Variants in PKD1L1 observed in about 807,000 individuals in gnomAD.
PKD1L1 encodes polycystin 1 like 1, transient receptor potential channel interacting.
Under a neutral mutation model 323.4 loss-of-function variants are expected in PKD1L1, and 236 were observed. The observed-to-expected ratio is 0.73, with a 90% confidence interval of 0.66 to 0.81. The LOEUF (loss-of-function observed/expected upper bound fraction) is 0.81. Ranked by LOEUF, PKD1L1 falls within the 40% of genes least tolerant of loss-of-function variation. The pLI is 0.00. For missense variants in PKD1L1, 3,320 were observed against 3,508.0 expected (o/e 0.95, Z 1.35); for synonymous variants, 1,344 against 1,335.0 (o/e 1.01, Z -0.15).
chr7:47,814,539 G>A lies in PKD1L1; in HGVS notation c.7090-525C>T, dbSNP rs140449097. ...GGATTACAGGCATGTGCCACCACGC[G>A]CGGCTAATTTTTGTATTTTTAGTCT... On this transcript the variant is annotated intron_variant, in intron 47 of 56. Coordinates refer to ENST00000289672, the MANE Select transcript of PKD1L1 (RefSeq NM_138295.5). Among the ~76,000 whole-genome samples the A allele has an allele frequency of 3.9e-3, 588 of 152,044 alleles. 6 individuals are homozygous for A. Among genetic ancestry groups the A allele is most frequent in the Middle Eastern group, 0.017 (5 of 294 alleles).
Position 47,785,811 on chromosome 7 carries a change from G to A in PKD1L1, c.8526+6816C>T, listed in dbSNP as rs569632450. ...GGCTGGAGTGCAGTGGTGCAATCTC[G>A]GCTCACTGCAACCTCTGCCTCCCGG... On this transcript the variant is annotated intron_variant, in intron 56 of 56. Coordinates refer to ENST00000289672, the MANE Select transcript of PKD1L1 (RefSeq NM_138295.5). Among the ~76,000 whole-genome samples the A allele has an allele frequency of 6.0e-5, 9 of 150,288 alleles. No individual in the cohort carries two copies. In the East Asian group the frequency reaches 9.9e-4, roughly 17 times the overall value.
chr7:47,893,767 T>A, intron 15 of PKD1L1, 111 bp downstream of exon 15: 1 of 1,147,474 alleles, frequency 8.7e-7, no homozygotes, highest in Non-Finnish European at 1.2e-6. Flanking sequence ...TTAACGAAAG[T>A]TGATGTGCTT....
intron 9 of PKD1L1, 77 bp from the exon 10 acceptor site, chr7:47,906,039 A>G (rs118005929): frequency 3.0e-6 from 4 of 1,329,812 alleles, no homozygotes; most frequent in East Asian, 5.5e-5. Flanking sequence ...CACAGTCAGT[A>G]TTTTTCATTT....
chr7:47,775,504 T>A (rs1786547160), intron 56 of PKD1L1, among the ~76,000 whole-genome samples: 1 of 152,052 alleles, frequency 6.6e-6, no homozygotes, highest in African/African-American at 2.4e-5. Flanking sequence ...TCAAAATACA[T>A]ACAAACTAAA....
chr7:47,866,637 C>T (rs1381922954), intron 24 of PKD1L1, 23 bp from the exon 25 acceptor site: 3 of 1,566,674 alleles, frequency 1.9e-6, no homozygotes, highest in South Asian at 1.2e-5. Context: ...CAAGAGTTAT[C>T]ATTACTGTTC....
chr7:47,827,739 G>A (rs1785266362), intron 44 of PKD1L1, among the ~76,000 whole-genome samples: 2 of 152,274 alleles, frequency 1.3e-5, no homozygotes, highest in Middle Eastern at 3.4e-3. Flanking sequence ...AAGAGCTGCT[G>A]TACACGAGGG....
At position 47,880,748 on chromosome 7, in the gene PKD1L1, T is replaced by C. The variant is rs1243282087; in HGVS notation, c.3500A>G (p.Tyr1167Cys). The change falls in exon 21 of 57, where the codon TAC becomes TGC. Residue 1167 changes from tyrosine (Y) to cysteine (C), a missense_variant. Coordinates refer to ENST00000289672, the MANE Select transcript of PKD1L1 (RefSeq NM_138295.5). ...CATACCCACAGACACTTGCAGGACG[T>C]ACGTCTCTCCACTGCTCAGAGAGTA... ...KPYSLSSGET[Y>C]VLQVSVASKH... 2.5e-6 allele frequency: 4 copies of C among 1,608,432 alleles called. No homozygotes were observed. The highest frequency in any genetic ancestry group is 3.4e-6 in the Non-Finnish European group (4 of 1,176,562).
chr7:47,908,012 G>T, intron 9 of PKD1L1, 65 bp downstream of exon 9: 1 of 1,502,440 alleles, frequency 6.7e-7, no homozygotes. Context: ...TATAAGTAAA[G>T]CGGAGATACC....
intron 26 of PKD1L1, among the ~76,000 whole-genome samples, chr7:47,863,543 T>C (rs17710983): frequency 0.22 from 34,060 of 151,726 alleles, 4,374 homozygotes; most frequent in African/African-American, 0.35. Context: ...AACCAAGAAA[T>C]CATGTCGTGA....
In PKD1L1 at chr7:47,813,946, A is replaced by G. The variant is rs144104737; in HGVS notation, c.7158T>C (p.Pro2386=). The G allele has an allele frequency of 1.9e-6, 3 of 1,613,974 alleles. No individual in the cohort carries two copies. Among genetic ancestry groups the G allele is most frequent in the Non-Finnish European group, 2.5e-6 (3 of 1,179,856 alleles). The change falls in exon 48 of 57, where the codon CCT becomes CCC. Residue 2386 remains proline (P), a synonymous_variant. Transcript: ENST00000289672. ...AACATCTTACCTTGCATAAATGCCT[A>G]GGAAAAACTTTTAGCTGCCTAATTA... ...SSVIRQLKVF[P]RHLCKPPRPF...
intron 23 of PKD1L1, among the ~76,000 whole-genome samples, chr7:47,874,846 T>C (rs569752969): frequency 6.6e-6 from 1 of 152,222 alleles, no homozygotes; most frequent in South Asian, 2.1e-4. Context: ...GTATTTATTT[T>C]GCTTATGTTC....
chr7:47,949,368 C>CAAAAAGAAA (rs1788167840), upstream of PKD1L1, among the ~76,000 whole-genome samples: 1 of 57,134 alleles, frequency 1.8e-5, no homozygotes, highest in African/African-American at 6.7e-5. Flanking sequence ...GGCTCTGTCT[C>CAAAAAGAAA]AAAAAAAAAA....
intron 48 of PKD1L1, among the ~76,000 whole-genome samples, 175 bp downstream of exon 48, chr7:47,813,756 A>C (rs913064736): frequency 1.3e-5 from 2 of 152,248 alleles, no homozygotes; most frequent in African/African-American, 4.8e-5. Flanking sequence ...GTGTTCATAA[A>C]GGGGAAGGAA....
intron 56 of PKD1L1, among the ~76,000 whole-genome samples, chr7:47,780,215 A>T (rs1786660372): frequency 6.6e-6 from 1 of 152,084 alleles, no homozygotes; most frequent in African/African-American, 2.4e-5. Flanking sequence ...CATCACCAAG[A>T]TCCCTTCTGC....
intron 13 of PKD1L1, among the ~76,000 whole-genome samples, chr7:47,900,600 C>T (rs975756305): frequency 3.3e-5 from 5 of 151,968 alleles, no homozygotes; most frequent in African/African-American, 4.8e-5. Flanking sequence ...TGGTGGTGAG[C>T]GCCTGTAATC....
chr7:47,821,114 T>G lies in PKD1L1; in HGVS notation c.6927A>C (p.Glu2309Asp), dbSNP rs1785131218. ...TCCGGATAGCTTGATTGAGGGAGTA[T>G]TCATCTTGGGAAAATCTCCCATATA... ...CVIYGRFSQDEYSLNQAIRKE... is the reference protein window; with the variant it reads ...CVIYGRFSQDDYSLNQAIRKE... Residue 2309 changes from glutamate (E) to aspartate (D), a missense_variant, in exon 46 of 57, where the codon GAA becomes GAC. By Grantham distance (45) the Glu-to-Asp change is conservative. Transcript: ENST00000289672. 6.2e-7 allele frequency: 1 copy of G among 1,607,700 alleles called. No homozygotes were observed. Among genetic ancestry groups the G allele is most frequent in the Non-Finnish European group, 8.5e-7 (1 of 1,174,186 alleles).
intron 24 of PKD1L1, among the ~76,000 whole-genome samples, chr7:47,871,026 A>G (rs1313178324): frequency 6.6e-6 from 1 of 151,728 alleles, no homozygotes; most frequent in Non-Finnish European, 1.5e-5. Context: ...GATTGGGGCC[A>G]GTATTATTCT....
rs1215715385 is a variant in PKD1L1 at position 47,839,614 on chromosome 7, G to A, written c.5601C>T (p.Asp1867=). Residue 1867 remains aspartate (D), a synonymous_variant, in exon 36 of 57, where the codon GAC becomes GAT. Transcript: ENST00000289672. This position sits in a 1 kb window ranked among gnomAD's most constrained non-coding sequence, Gnocchi z 4.3. ...ACCAGCCTGGGGAAGGCCCACGGCT[G>A]TCGTGCCAGAGGCGGATCTTCCTCA... ...GLLRKIRLWH[D]SRGPSPGWFI... 36 of 1,590,732 alleles carry A rather than the reference G, an allele frequency of 2.3e-5. No homozygotes were observed. The highest frequency in any genetic ancestry group is 3.1e-5 in the Non-Finnish European group (36 of 1,168,844).
At chr7:47,790,460 A>G (rs1786915960) in intron 56 of PKD1L1, among the ~76,000 whole-genome samples, 1 of 151,678 alleles carries the variant, frequency 6.6e-6, no homozygotes, top group Non-Finnish European at 1.5e-5. Flanking sequence ...CCTCCCGAGT[A>G]GCTGGGACTA....
Sources: gnomAD v4.1 joint callset for allele counts (sites outside exome capture counted in the v4.1 genomes callset) on GRCh38, gnomAD v4.1.1 for gene constraint, Gnocchi (gnomAD v3.1) non-coding constraint, MANE v1.5 for transcripts, NCBI Gene and HGNC (gene_info 2026-07-23, HGNC 2026-07-21) for gene names.